Variants in MYO1E observed in about 807,000 individuals in gnomAD.
MYO1E encodes the protein unconventional myosin-Ie.
In MYO1E, 68 loss-of-function variants were observed where a neutral mutation model predicts 151.1. That is an observed-to-expected ratio of 0.45 (90% CI 0.37 to 0.55). The LOEUF (loss-of-function observed/expected upper bound fraction) is 0.55, where lower values mean the gene tolerates loss of function less well. Ranked by LOEUF, MYO1E falls within the 20% of genes least tolerant of loss-of-function variation. MYO1E has a pLI of 0.00. For synonymous variants in MYO1E, 601 were observed against 501.7 expected (o/e 1.20, Z -2.64); for missense variants, 1,363 against 1,389.3 (o/e 0.98, Z 0.30).
intron 4 of MYO1E, among the ~76,000 whole-genome samples, chr15:59,237,752 A>C (rs1263353095): frequency 1.3e-5 from 2 of 152,260 alleles, no homozygotes; most frequent in Non-Finnish European, 2.9e-5. Flanking sequence ...AAGAGAAAAC[A>C]TTTGCTTGGG....
chr15:59,202,217 C>CACCTCCTCACGTCTCACTG, intron 16 of MYO1E, 109 bp downstream of exon 16: 1 of 916,054 alleles, frequency 1.1e-6, no homozygotes, highest in Non-Finnish European at 1.8e-6. Flanking sequence ...CTTCTGTAAC[C>CACCTCCTCACGTCTCACTG]ACCTCCTCAC....
At chr15:59,301,878 T>C (rs2080484774) in intron 1 of MYO1E, among the ~76,000 whole-genome samples, 1 of 152,208 alleles carries the variant, frequency 6.6e-6, no homozygotes, top group South Asian at 2.1e-4. Flanking sequence ...TGAGTTATTT[T>C]GATAACATCA....
Position 59,153,700 on chromosome 15 carries a change from G to A in MYO1E, c.2970C>T (p.Thr990=), listed in dbSNP as rs1218368071. ...SQRSNQKSLY[T]SMARPPLPRQ... Reference sequence around the variant, plus strand: ...GAGGCAAGGGCGGGCGGGCCATGGAGGTGTACAGGCTTTTCTGATTGGACC... The same window carrying A: ...GAGGCAAGGGCGGGCGGGCCATGGAAGTGTACAGGCTTTTCTGATTGGACC... The change falls in exon 26 of 28, where the codon ACC becomes ACT. Residue 990 remains threonine, a synonymous_variant. Coordinates refer to ENST00000288235, the MANE Select transcript of MYO1E (RefSeq NM_004998.4). 1.2e-6 allele frequency: 2 copies of A among 1,614,172 alleles called. No homozygotes were observed. The highest frequency in any genetic ancestry group is 3.3e-5 in the Admixed American group (2 of 60,024).
chr15:59,183,473 T>A (rs1197684023), intron 18 of MYO1E, among the ~76,000 whole-genome samples: 4 of 152,104 alleles, frequency 2.6e-5, no homozygotes, highest in African/African-American at 9.7e-5. Flanking sequence ...GTTCTGGGAT[T>A]ACAGGCATGA....
At chr15:59,194,076 A>T (rs2079750701) in intron 17 of MYO1E, among the ~76,000 whole-genome samples, 1 of 152,108 alleles carries the variant, frequency 6.6e-6, no homozygotes, top group African/African-American at 2.4e-5. Flanking sequence ...CAGGAGGCTG[A>T]GGCAGGAGAA....
At chr15:59,272,067 G>A (rs1034317957) in intron 2 of MYO1E, among the ~76,000 whole-genome samples, 1 of 152,154 alleles carries the variant, frequency 6.6e-6, no homozygotes, top group Non-Finnish European at 1.5e-5. Context: ...GCATCTGTTC[G>A]GACTTTCAGA....
intron 1 of MYO1E, among the ~76,000 whole-genome samples, chr15:59,285,796 T>C (rs1208941224): frequency 6.6e-6 from 1 of 152,244 alleles, no homozygotes; most frequent in East Asian, 1.9e-4. Context: ...TGTGTGCATG[T>C]CCATTAAGAT....
In MYO1E at chr15:59,138,283, C is replaced by A; in HGVS notation, c.3165G>T (p.Gln1055His). ...CGTCATAGGCATACAAAGCCTTGCA[C>A]TGTGGCACCTGAGGCTTGGGCTTGG... Reference protein sequence around the residue: ...PQPKPKPQVPQCKALYAYDAQ... With the variant: ...PQPKPKPQVPHCKALYAYDAQ... The change falls in exon 27 of 28, where the codon CAG (glutamine) becomes CAT (histidine). Residue 1055 changes from glutamine (Q) to histidine (H), a missense_variant. Physicochemically the swap from Gln to His is conservative, Grantham distance 24 (BLOSUM62 0). Coordinates refer to ENST00000288235, the MANE Select transcript of MYO1E (RefSeq NM_004998.4). 2.5e-6 allele frequency: 4 copies of A among 1,614,250 alleles called. No homozygotes were observed. The highest frequency in any genetic ancestry group is 3.4e-6 in the Non-Finnish European group (4 of 1,180,040).
chr15:59,137,907 T>C (rs1406916110), intron 27 of MYO1E, among the ~76,000 whole-genome samples: 1 of 152,204 alleles, frequency 6.6e-6, no homozygotes, highest in Non-Finnish European at 1.5e-5. Flanking sequence ...GTTTCAGAGA[T>C]GATGCACATT....
intron 1 of MYO1E, among the ~76,000 whole-genome samples, chr15:59,359,092 T>G (rs2080870817): frequency 6.6e-6 from 1 of 151,978 alleles, no homozygotes; most frequent in Non-Finnish European, 1.5e-5. Context: ...TCCAGGATAC[T>G]TCTCATCTTG....
intron 2 of MYO1E, among the ~76,000 whole-genome samples, chr15:59,262,502 C>T (rs181845718): frequency 6.6e-6 from 1 of 152,030 alleles, no homozygotes; most frequent in Admixed American, 6.6e-5. Flanking sequence ...GGGGCGTGTG[C>T]CTGCAGTCCC....
At chr15:59,197,101 G>A (rs1254522189) in intron 16 of MYO1E, among the ~76,000 whole-genome samples, 3 of 142,114 alleles carry the variant, frequency 2.1e-5, no homozygotes, top group African/African-American at 5.2e-5. Context: ...CAAGCGATTC[G>A]CCTGCCTCCG....
chr15:59,333,046 G>A (rs965855019), intron 1 of MYO1E, among the ~76,000 whole-genome samples: 14 of 152,050 alleles, frequency 9.2e-5, no homozygotes, highest in South Asian at 6.2e-4. Flanking sequence ...AGACTTGATC[G>A]TCTTATTTAT....
intron 26 of MYO1E, among the ~76,000 whole-genome samples, chr15:59,144,829 T>C (rs1950040344): frequency 6.6e-6 from 1 of 151,922 alleles, no homozygotes; most frequent in South Asian, 2.1e-4. Flanking sequence ...GTGTCATTAA[T>C]GAGAAGAAAG....
rs369065655 is a variant in MYO1E, at chr15:59,227,638, G to C, written c.511-48C>G. On this transcript the variant is annotated intron_variant, in intron 6 of 27. Transcript: ENST00000288235. ...CTTCAATGGTTGGTGAACAAAACATGATGTCCCAAACAGGCTTTGAATACA... is the reference window on the plus strand; with the variant it reads ...CTTCAATGGTTGGTGAACAAAACATCATGTCCCAAACAGGCTTTGAATACA... The C allele has an allele frequency of 5.0e-6, 8 of 1,608,066 alleles. No individual in the cohort carries two copies. The African/African-American group carries it at 8.0e-5, about 16-fold the overall frequency.
chr15:59,232,951 C>T (rs1162387228), intron 5 of MYO1E, among the ~76,000 whole-genome samples: 1 of 152,012 alleles, frequency 6.6e-6, no homozygotes, highest in African/African-American at 2.4e-5. Flanking sequence ...TTAGCCATGG[C>T]ACCAAGGGCA....
At chr15:59,165,974 TA>T (rs1269310112) in intron 22 of MYO1E, among the ~76,000 whole-genome samples, 1 of 152,234 alleles carries the variant, frequency 6.6e-6, no homozygotes, top group Admixed American at 6.5e-5. Context: ...TCAACAGGGC[TA>T]AATGAGCCCA....
At chr15:59,345,097 G>A (rs562865890) in intron 1 of MYO1E, among the ~76,000 whole-genome samples, 63 of 152,230 alleles carry the variant, frequency 4.1e-4, no homozygotes, top group African/African-American at 1.4e-3. Flanking sequence ...GTAGACAGAA[G>A]AGCCACTTCT....
Position 59,209,815 on chromosome 15 carries a change from C to CTTTTTT in MYO1E, c.1362+693_1362+698dup, listed in dbSNP as rs71119441. On this transcript the variant is annotated intron_variant, in intron 13 of 27. Coordinates refer to ENST00000288235, the MANE Select transcript of MYO1E (RefSeq NM_004998.4). Reference sequence around the variant, plus strand: ...CTGTATCACTTTTATTTTGAATCACCTTTTTTTTTTTTTTTTTTTTTTTTT... The same window carrying CTTTTTT: ...CTGTATCACTTTTATTTTGAATCACCTTTTTTTTTTTTTTTTTTTTTTTTTTTTTTT... Among the ~76,000 whole-genome samples, 60 of 49,868 alleles carry CTTTTTT rather than the reference C, an allele frequency of 1.2e-3. 4 individuals are homozygous for CTTTTTT. Among genetic ancestry groups the CTTTTTT allele is most frequent in the South Asian group, 2.5e-3 (3 of 1,190 alleles). The allele number at this position is 49,868 out of a possible 152,430, so 32.7% of individuals were successfully genotyped here.
Sources: allele counts gnomAD v4.1 joint callset (sites outside exome capture counted in the v4.1 genomes callset), GRCh38; gene constraint gnomAD v4.1.1; transcripts MANE v1.5; gene names NCBI Gene and HGNC (gene_info 2026-07-23, HGNC 2026-07-21).